The following CACFD1 variants were observed in gnomAD, a reference collection of about 807,000 sequenced individuals.
CACFD1 encodes calcium channel flower domain containing 1, also known as calcium channel flower homolog.
CACFD1 carries 26 observed loss-of-function variants against 21.3 expected under a neutral mutation model. The ratio of observed to expected loss-of-function variants is 1.22; its 90% CI spans 0.89 to 1.69. The LOEUF (loss-of-function observed/expected upper bound fraction) is 1.69. Among genes scored for constraint, CACFD1 ranks in the 40% most tolerant of loss-of-function variants. The pLI is 0.00. For synonymous variants in CACFD1, 121 were observed against 106.6 expected (o/e 1.13, Z -0.83); for missense variants, 265 against 236.2 (o/e 1.12, Z -0.80).
intron 1 of CACFD1, 94 bp downstream of exon 1, chr9:133,460,281 G>C: frequency 8.6e-7 from 1 of 1,166,076 alleles, no homozygotes. Flanking sequence ...CCAGGGGAAA[G>C]GACCCGCTGG....
In CACFD1 at chr9:133,466,210, C is replaced by G. The variant is rs75892998; in HGVS notation, c.320+763C>G. Among the ~76,000 whole-genome samples, 719 of 152,324 alleles carry G rather than the reference C, an allele frequency of 4.7e-3. 10 individuals carry two copies. Among genetic ancestry groups the G allele is most frequent in the African/African-American group, 0.015 (639 of 41,568 alleles). ...TCACGAAGAACACAGGATCACAAAG[C>G]TCTTATCTACACGCAGTGTCATGTC... On this transcript the variant is annotated intron_variant, in intron 3 of 4. Coordinates refer to ENST00000316948, the MANE Select transcript of CACFD1 (RefSeq NM_017586.5).
chr9:133,463,282 C>T (rs1843289411), intron 1 of CACFD1: 1 of 507,540 alleles, frequency 2.0e-6, no homozygotes, highest in Non-Finnish European at 2.5e-6. Context: ...TGCTGTGGGG[C>T]CTGGGGCAAG....
At chr9:133,462,544 G>T (rs1843264984) in intron 1 of CACFD1, among the ~76,000 whole-genome samples, 1 of 152,258 alleles carries the variant, frequency 6.6e-6, no homozygotes. Flanking sequence ...GCTGCTGCAA[G>T]TTTAATGAGC....
In CACFD1 at chr9:133,465,445, C is replaced by T. The variant is rs587733978; in HGVS notation, c.318C>T (p.Cys106=). Residue 106 remains cysteine, a splice_region_variant and synonymous_variant, in exon 3 of 5, where the codon TGC becomes TGT. Coordinates refer to ENST00000316948, the MANE Select transcript of CACFD1 (RefSeq NM_017586.5). This position sits in a 1 kb window ranked among gnomAD's most constrained non-coding sequence, Gnocchi z 5.0. The stretch of plus-strand genomic sequence containing the variant: ...CCTGGCAGAAGGCTGTCTTCTACTG[C>T]GGGTGAGGGGTTGCTGGGCAGGGTC... ...LRSWQKAVFY[C]GMAVVPIVIS... 3.9e-5 allele frequency: 62 copies of T among 1,607,966 alleles called. No homozygotes were observed. Among genetic ancestry groups the T allele is most frequent in the Non-Finnish European group, 4.6e-5 (54 of 1,176,514 alleles).
intron 1 of CACFD1, among the ~76,000 whole-genome samples, chr9:133,460,498 C>CGGGGG (rs2130981507): frequency 1.3e-5 from 1 of 74,490 alleles, no homozygotes; most frequent in Non-Finnish European, 4.0e-5. Flanking sequence ...GGGCACCGGC[C>CGGGGG]TGGGGCACGT....
Position 133,465,518 on chromosome 9 carries a change from GTCAGGTGAGGGTGGGCAGTGTAT to G in CACFD1, c.320+76_320+98del, listed in dbSNP as rs1241968178. 2.7e-6 allele frequency: 4 copies of G among 1,470,100 alleles called. No homozygotes were observed. In the African/African-American group the frequency reaches 5.6e-5, roughly 20 times the overall value. 91.1% of individuals were successfully genotyped at this position (1,470,100 alleles called of 1,614,324 possible). On this transcript the variant is annotated intron_variant, in intron 3 of 4. Transcript: ENST00000316948. The surrounding 1 kb of genome is among the most constrained non-coding windows in gnomAD (Gnocchi z 5.0). Reference sequence around the variant, plus strand: ...CCCACTGACAAAATAGGACCCAAAAGTCAGGTGAGGGTGGGCAGTGTATTCAGTTCCTCTCTGTGGAAGTGTAA... The same window carrying G: ...CCCACTGACAAAATAGGACCCAAAAGTCAGTTCCTCTCTGTGGAAGTGTAA...
At chr9:133,468,527 G>A (rs372419008) in intron 4 of CACFD1, 36 bp from the exon 5 acceptor site, 5 of 1,555,456 alleles carry the variant, frequency 3.2e-6, no homozygotes, top group Non-Finnish European at 4.3e-6. Flanking sequence ...GCATGGGGCT[G>A]GTGCTCCACG....
chr9:133,461,006 C>T (rs1843184321), intron 1 of CACFD1, among the ~76,000 whole-genome samples: 1 of 144,992 alleles, frequency 6.9e-6, no homozygotes, highest in African/African-American at 2.5e-5. Flanking sequence ...GTACAGCTGG[C>T]CTTCCAGGGA....
intron 3 of CACFD1, among the ~76,000 whole-genome samples, chr9:133,466,243 G>A (rs1044251656): frequency 1.3e-5 from 2 of 152,126 alleles, no homozygotes; most frequent in African/African-American, 4.8e-5. Flanking sequence ...GTCCTTAGGG[G>A]TTCAAAAAAC....
At chr9:133,461,781 A>T (rs1843228911) in intron 1 of CACFD1, 1 of 794,986 alleles carries the variant, frequency 1.3e-6, no homozygotes, top group African/African-American at 1.9e-5. Flanking sequence ...TTTTGGGGGC[A>T]TGGTTATGTG....
intron 2 of CACFD1, 120 bp downstream of exon 2, chr9:133,463,675 C>A: frequency 9.9e-7 from 1 of 1,014,218 alleles, no homozygotes; most frequent in Non-Finnish European, 1.5e-6. Context: ...GTTGCCATGG[C>A]TACTGGCTCC....
chr9:133,461,953 C>G (rs1843235434), intron 1 of CACFD1: 1 of 985,408 alleles, frequency 1.0e-6, no homozygotes, highest in African/African-American at 1.7e-5. Flanking sequence ...AGGGTCTACC[C>G]TGGGTCCTAA....
chr9:133,466,140 C>G (rs993685914), intron 3 of CACFD1, among the ~76,000 whole-genome samples: 1 of 152,322 alleles, frequency 6.6e-6, no homozygotes, highest in African/African-American at 2.4e-5. Flanking sequence ...GGTAAGAGCA[C>G]AAGCCACATG....
At chr9:133,463,194 G>A (rs1843285821) in intron 1 of CACFD1, among the ~76,000 whole-genome samples, 1 of 152,180 alleles carries the variant, frequency 6.6e-6, no homozygotes, top group Non-Finnish European at 1.5e-5. Context: ...ATGTAGCTGG[G>A]GTCAGAGGGC....
Position 133,470,172 on chromosome 9 carries a change from G to A in CACFD1, c.*1519G>A, listed in dbSNP as rs1843626614. 6.6e-6 allele frequency: 1 copy of A among 152,442 alleles called. No individual in the cohort carries two copies. Among genetic ancestry groups the A allele is most frequent in the Non-Finnish European group, 1.5e-5 (1 of 68,814 alleles). 9.4% of individuals were successfully genotyped at this position (152,442 alleles called of 1,614,324 possible). ...CTCCGGGGCCACCTTCCTCAGGCCAGTGCTGGGTTCAAAGGGCTGTGTGTG... is the reference window on the plus strand; with the variant it reads ...CTCCGGGGCCACCTTCCTCAGGCCAATGCTGGGTTCAAAGGGCTGTGTGTG... On this transcript the variant is annotated 3_prime_UTR_variant, in exon 5 of 5. Transcript: ENST00000316948.
At chr9:133,468,138 G>A in intron 4 of CACFD1, 110 bp downstream of exon 4, 4 of 1,060,772 alleles carry the variant, frequency 3.8e-6, no homozygotes, top group Non-Finnish European at 4.1e-6. Flanking sequence ...GGAGACCGAG[G>A]CAGAGGTCCC....
intron 2 of CACFD1, among the ~76,000 whole-genome samples, chr9:133,464,174 C>T (rs587646379): frequency 2.8e-4 from 42 of 152,308 alleles, no homozygotes; most frequent in South Asian, 1.0e-3. Flanking sequence ...TGAGAAGTGG[C>T]GGTGCACCAG....
At chr9:133,463,410 T>C in intron 1 of CACFD1, 73 bp from the exon 2 acceptor site, 2 of 1,609,300 alleles carry the variant, frequency 1.2e-6, no homozygotes, top group South Asian at 1.1e-5. Context: ...TTTCCAGTCA[T>C]CTCCCAAGGC....
intron 3 of CACFD1, among the ~76,000 whole-genome samples, chr9:133,466,117 C>T (rs182075914): frequency 2.7e-4 from 41 of 152,290 alleles, no homozygotes; most frequent in South Asian, 1.2e-3. Context: ...CAGAGAGGCC[C>T]GGTAGTTTTG....
Sources: gnomAD v4.1 joint callset for allele counts (sites outside exome capture counted in the v4.1 genomes callset) on GRCh38, gnomAD v4.1.1 for gene constraint, Gnocchi (gnomAD v3.1) non-coding constraint, MANE v1.5 for transcripts, NCBI Gene and HGNC (gene_info 2026-07-23, HGNC 2026-07-21) for gene names.